The following ARVCF variants were observed in gnomAD, a reference collection of about 807,000 sequenced individuals.
The protein encoded by ARVCF is splicing regulator ARVCF.
A neutral mutation model predicts 90.9 loss-of-function variants in ARVCF; 66 were observed. The ratio of observed to expected loss-of-function variants is 0.73; its 90% CI spans 0.60 to 0.89. The LOEUF (loss-of-function observed/expected upper bound fraction) is 0.89, where lower values mean the gene tolerates loss of function less well. ARVCF is among the 40% of genes least tolerant of loss of function. The pLI is 0.00. For synonymous variants in ARVCF, 653 were observed against 603.4 expected, an observed-to-expected ratio of 1.08 and a Z score of -1.21; for missense variants, 1,469 against 1,382.3, an observed-to-expected ratio of 1.06 and a Z score of -1.00.
intron 13 of ARVCF, 128 bp downstream of exon 13, chr22:19,973,515 G>C (rs762190315): frequency 8.9e-6 from 13 of 1,456,824 alleles, no homozygotes; most frequent in Non-Finnish European, 1.2e-5. Flanking sequence ...CTCCAGTTGG[G>C]ACAGCGCCCA....
At chr22:19,984,125 A>T (rs1943642531) in intron 3 of ARVCF, among the ~76,000 whole-genome samples, 1 of 152,306 alleles carries the variant, frequency 6.6e-6, no homozygotes, top group East Asian at 1.9e-4. Flanking sequence ...GACTGAGGAA[A>T]CGTTACCCAG....
chr22:19,980,242 C>T lies in ARVCF; in HGVS notation c.897G>A (p.Arg299=), dbSNP rs770000903. ...RPECGRGLHT[R]AYEDTADDGG... ...CATCATCTGCTGTGTCCTCGTAGGC[C>T]CTGCACAGGCAAGTGGGGCGCGTGG... The change falls in exon 6 of 20, where the codon AGG becomes AGA. Residue 299 remains arginine, a splice_region_variant and synonymous_variant. Coordinates refer to ENST00000263207, the MANE Select transcript of ARVCF (RefSeq NM_001670.3). 1 of 1,517,766 alleles carries T rather than the reference C, an allele frequency of 6.6e-7. No individual in the cohort carries two copies. The highest frequency in any genetic ancestry group is 2.3e-5 in the East Asian group (1 of 43,470). The allele number at this position is 1,517,766 out of a possible 1,614,324, so 94.0% of individuals were successfully genotyped here.
intron 1 of ARVCF, among the ~76,000 whole-genome samples, chr22:20,011,081 G>A (rs1242370659): frequency 6.6e-6 from 1 of 152,256 alleles, no homozygotes; most frequent in East Asian, 1.9e-4. Context: ...GGCCAGGTGT[G>A]AATAACCATT....
At position 19,986,943 on chromosome 22, in the gene ARVCF, G is replaced by A. The variant is rs1465205363; in HGVS notation, c.210+3642C>T. On this transcript the variant is annotated intron_variant, in intron 3 of 19. Transcript: ENST00000263207. ...CCCAGCCTGACGCAGCCCAGCCAGG[G>A]GCGCAAGACAATAGCTGCCTCGGGC... 4 of 554,790 alleles carry A rather than the reference G, an allele frequency of 7.2e-6. No homozygotes were observed. The African/African-American group carries it at 8.0e-5, about 11-fold the overall frequency. The allele number at this position is 554,790 out of a possible 1,614,324, so 34.4% of individuals were successfully genotyped here.
chr22:20,005,441 G>C (rs367778026), intron 2 of ARVCF, among the ~76,000 whole-genome samples: 2 of 151,704 alleles, frequency 1.3e-5, no homozygotes. Flanking sequence ...TGGTGGGAAT[G>C]TAAGATCAGT....
chr22:19,971,734 C>T, intron 18 of ARVCF, 152 bp downstream of exon 18: 1 of 772,994 alleles, frequency 1.3e-6, no homozygotes, highest in Non-Finnish European at 2.1e-6. Flanking sequence ...CACAGACTGA[C>T]TGGCGTGAAG....
At chr22:20,009,942 G>C (rs925991370) in intron 2 of ARVCF, among the ~76,000 whole-genome samples, 1 of 152,230 alleles carries the variant, frequency 6.6e-6, no homozygotes, top group Non-Finnish European at 1.5e-5. Flanking sequence ...CTGTGACAGA[G>C]ACCATAAGGC....
chr22:19,998,549 CA>C (rs1661765590), intron 2 of ARVCF, among the ~76,000 whole-genome samples: 1 of 152,224 alleles, frequency 6.6e-6, no homozygotes, highest in African/African-American at 2.4e-5. Context: ...CCGGACAGCC[CA>C]GGAGGCCAGG....
chr22:19,990,478 G>C (rs1601634800), intron 3 of ARVCF, 107 bp downstream of exon 3: 1 of 1,360,616 alleles, frequency 7.3e-7, no homozygotes, highest in East Asian at 2.5e-5. Flanking sequence ...AGGAGCCCCA[G>C]CAAATCTTGC....
At chr22:19,976,045 C>T (rs1200804180) in intron 10 of ARVCF, among the ~76,000 whole-genome samples, 1 of 152,040 alleles carries the variant, frequency 6.6e-6, no homozygotes, top group Non-Finnish European at 1.5e-5. Context: ...GGCTCCCTTG[C>T]AACTGCCAGG....
chr22:19,987,584 C>T (rs1943865030), intron 3 of ARVCF, among the ~76,000 whole-genome samples: 1 of 152,094 alleles, frequency 6.6e-6, no homozygotes, highest in Non-Finnish European at 1.5e-5. Context: ...CTGCGATGCA[C>T]AGAGCACAAG....
Position 19,973,334 on chromosome 22 carries a change from G to A in ARVCF, c.2240-17C>T, listed in dbSNP as rs779602144. On this transcript the variant is annotated splice_polypyrimidine_tract_variant and intron_variant, in intron 13 of 19. Transcript: ENST00000263207. Reference sequence around the variant, plus strand: ...CGTAGCTCCCTGAGGGGCAGGACTAGGTGTCAGAACACACCTCTGCCCCAC... The same window carrying A: ...CGTAGCTCCCTGAGGGGCAGGACTAAGTGTCAGAACACACCTCTGCCCCAC... 5.7e-6 allele frequency: 9 copies of A among 1,580,858 alleles called. No homozygotes were observed. The African/African-American group carries it at 6.7e-5, about 12-fold the overall frequency.
chr22:19,996,313 C>CA (rs751484877), intron 2 of ARVCF, among the ~76,000 whole-genome samples: 6,259 of 129,874 alleles, frequency 0.048, 418 homozygotes, highest in African/African-American at 0.16. Flanking sequence ...TCTGTATATC[C>CA]AAAAAAAAAA....
At chr22:19,974,079 G>A in intron 12 of ARVCF, 33 bp downstream of exon 12, 1 of 1,584,042 alleles carries the variant, frequency 6.3e-7, no homozygotes, top group Non-Finnish European at 8.6e-7. Flanking sequence ...CCTCTCTCAG[G>A]ACTTGCCCAC....
chr22:20,003,615 A>G (rs1944518976), intron 2 of ARVCF, among the ~76,000 whole-genome samples: 1 of 152,254 alleles, frequency 6.6e-6, no homozygotes, highest in Non-Finnish European at 1.5e-5. Flanking sequence ...AATAGAATAA[A>G]GGACAAAAAT....
At chr22:19,995,794 T>G (rs1467839827) in intron 2 of ARVCF, among the ~76,000 whole-genome samples, 6 of 151,678 alleles carry the variant, frequency 4.0e-5, no homozygotes, top group African/African-American at 1.5e-4. Context: ...GGCCCCCCCC[T>G]CGAGGGGAGA....
rs748185873 is a variant in ARVCF at position 19,974,168 on chromosome 22, T to G, written c.2032A>C (p.Asn678His). ...GCGCCGGCGGCAGCCTCCAGGGTGT[T>G]GAAGTTCCGGCTCTCCGTGAGGAGG... ...LSLLTESRNF[N>H]TLEAAAGALQ... The change falls in exon 12 of 20, where the codon AAC becomes CAC. Residue 678 changes from asparagine to histidine, a missense_variant. By Grantham distance (68) the Asn-to-His change is moderately conservative. Transcript: ENST00000263207. 3.7e-6 allele frequency: 6 copies of G among 1,612,978 alleles called. No individual in the cohort carries two copies. The South Asian group carries it at 5.5e-5, about 15-fold the overall frequency.
At chr22:19,968,763 T>C (rs768425882), downstream of ARVCF, 9 of 1,596,980 alleles carry the variant, frequency 5.6e-6, no homozygotes, top group Admixed American at 1.7e-5. Context: ...CCTCTCGGGC[T>C]CTCTCACCCA....
At chr22:20,008,863 G>A (rs1156489580) in intron 2 of ARVCF, among the ~76,000 whole-genome samples, 3 of 152,190 alleles carry the variant, frequency 2.0e-5, no homozygotes. Flanking sequence ...AGGAGATGGG[G>A]AAAGGCAGAG....
Sources: gnomAD v4.1 joint callset for allele counts (sites outside exome capture counted in the v4.1 genomes callset) on GRCh38, gnomAD v4.1.1 for gene constraint, MANE v1.5 for transcripts, NCBI Gene and HGNC (gene_info 2026-07-23, HGNC 2026-07-21) for gene names.